MIPOL1: variants seen among roughly 807,000 people sequenced by gnomAD.
The protein encoded by MIPOL1 is mirror-image polydactyly 1.
A neutral mutation model predicts 60.9 loss-of-function variants in MIPOL1; 57 were observed. The observed-to-expected ratio is 0.94, with a 90% CI of 0.76 to 1.17. MIPOL1 has a LOEUF of 1.17. MIPOL1 is among the 50% of genes most tolerant of loss of function. MIPOL1 has a pLI of 0.00. For missense variants in MIPOL1, 551 were observed against 511.6 expected (o/e 1.08, Z -0.74); for synonymous variants, 179 against 168.8 (o/e 1.06, Z -0.47).
intron 6 of MIPOL1, among the ~76,000 whole-genome samples, chr14:37,280,912 G>T (rs1452354401): frequency 1.3e-5 from 2 of 152,000 alleles, no homozygotes; most frequent in East Asian, 3.9e-4. Context: ...TATATTTTTG[G>T]TATTATTCTT....
chr14:37,524,856 C>T (rs2095437539), intron 12 of MIPOL1, among the ~76,000 whole-genome samples: 1 of 152,016 alleles, frequency 6.6e-6, no homozygotes, highest in Non-Finnish European at 1.5e-5. Flanking sequence ...GCATGAACCA[C>T]CGCACCCGGC....
At chr14:37,487,886 G>C (rs2094976346) in intron 11 of MIPOL1, among the ~76,000 whole-genome samples, 1 of 152,098 alleles carries the variant, frequency 6.6e-6, no homozygotes, top group Non-Finnish European at 1.5e-5. Context: ...TTTTGAATTT[G>C]TTTGCTCTTG....
At chr14:37,311,704 A>G (rs1169338530) in intron 9 of MIPOL1, among the ~76,000 whole-genome samples, 3 of 152,204 alleles carry the variant, frequency 2.0e-5, no homozygotes, top group Non-Finnish European at 4.4e-5. Context: ...CAATATAGAC[A>G]GCTCCCATAT....
intron 10 of MIPOL1, among the ~76,000 whole-genome samples, chr14:37,387,478 A>G (rs2093105450): frequency 1.3e-5 from 2 of 151,948 alleles, no homozygotes; most frequent in South Asian, 4.1e-4. Flanking sequence ...TCGTAGGGCT[A>G]TTAAGACTTT....
At chr14:37,341,543 G>A (rs7150214) in intron 9 of MIPOL1, among the ~76,000 whole-genome samples, 147,576 of 152,340 alleles carry the variant, frequency 0.97, 71,558 homozygotes, top group East Asian at 1. Context: ...ATTTCCTTGT[G>A]TCAGACCTAA....
intron 11 of MIPOL1, among the ~76,000 whole-genome samples, chr14:37,425,833 C>A (rs983762498): frequency 6.6e-6 from 1 of 152,104 alleles, no homozygotes; most frequent in African/African-American, 2.4e-5. Context: ...CCAAAGGTAT[C>A]CTTTACATTG....
intron 9 of MIPOL1, among the ~76,000 whole-genome samples, chr14:37,361,956 A>G (rs1235771672): frequency 6.6e-6 from 1 of 151,638 alleles, no homozygotes; most frequent in Non-Finnish European, 1.5e-5. Context: ...TTTGCTTTCC[A>G]TTTGCTTGGT....
intron 12 of MIPOL1, chr14:37,504,777 GA>G (rs1375183189): frequency 4.6e-5 from 7 of 152,032 alleles, no homozygotes; most frequent in African/African-American, 1.7e-4. Flanking sequence ...GAAGAAGATG[GA>G]GACGCAAAAA....
chr14:37,216,300 A>G (rs971051998), intron 1 of MIPOL1, among the ~76,000 whole-genome samples: 2 of 152,194 alleles, frequency 1.3e-5, no homozygotes, highest in African/African-American at 2.4e-5. Flanking sequence ...TATTAGAGAT[A>G]AAGAGAGAGA....
chr14:37,482,112 A>G (rs1357232733), intron 11 of MIPOL1, among the ~76,000 whole-genome samples: 1 of 152,232 alleles, frequency 6.6e-6, no homozygotes, highest in Non-Finnish European at 1.5e-5. Flanking sequence ...CTGTACATCA[A>G]AGAAAACAAT....
chr14:37,268,624 T>A (rs1229956859), intron 4 of MIPOL1, 34 bp from the exon 5 acceptor site: 18 of 1,521,964 alleles, frequency 1.2e-5, no homozygotes, highest in Non-Finnish European at 1.5e-5. Flanking sequence ...TAGTTTATCT[T>A]ACTCTGAAAT....
chr14:37,459,468 A>G (rs2094514693), intron 11 of MIPOL1, among the ~76,000 whole-genome samples: 1 of 152,212 alleles, frequency 6.6e-6, no homozygotes, highest in African/African-American at 2.4e-5. Context: ...TGAACCACGA[A>G]GAAATAGAAA....
At chr14:37,368,487 T>C (rs942962980) in intron 9 of MIPOL1, among the ~76,000 whole-genome samples, 1 of 152,094 alleles carries the variant, frequency 6.6e-6, no homozygotes, top group Non-Finnish European at 1.5e-5. Flanking sequence ...TAAGTAATGA[T>C]TTTTTATTCA....
intron 9 of MIPOL1, among the ~76,000 whole-genome samples, chr14:37,343,257 CCAGAGT>C (rs1370648136): frequency 3.3e-5 from 5 of 151,824 alleles, no homozygotes; most frequent in African/African-American, 1.2e-4. Context: ...TGATATTTTG[CCAGAGT>C]TTGAAGAAAC....
chr14:37,265,394 A>G (rs2082803562), intron 3 of MIPOL1: 1 of 152,176 alleles, frequency 6.6e-6, no homozygotes, highest in African/African-American at 2.4e-5. Context: ...TCACTGTACT[A>G]GAGAGTCTTT....
intron 11 of MIPOL1, among the ~76,000 whole-genome samples, chr14:37,435,311 G>T (rs1207233079): frequency 6.6e-6 from 1 of 152,046 alleles, no homozygotes; most frequent in Admixed American, 6.6e-5. Flanking sequence ...TCTCTGCCTG[G>T]AGTGTTCTAC....
In MIPOL1 at chr14:37,318,403, G is replaced by C. The variant is rs865997384; in HGVS notation, c.828+9884G>C. ...GAGTTATGTTTTTCAGGAAAAGTAG[G>C]GAACATATTTGATATTCTTAATTAC... On this transcript the variant is annotated intron_variant, in intron 9 of 12. Coordinates refer to ENST00000684589, the MANE Select transcript of MIPOL1 (RefSeq NM_001388067.1). 3.9e-5 allele frequency among the ~76,000 whole-genome samples: 6 copies of C among 152,206 alleles called. No individual in the cohort carries two copies. In the South Asian group the frequency reaches 1.2e-3, roughly 32 times the overall value.
chr14:37,490,288 GA>G (rs2095028979), intron 11 of MIPOL1, among the ~76,000 whole-genome samples: 1 of 152,106 alleles, frequency 6.6e-6, no homozygotes, highest in African/African-American at 2.4e-5. Context: ...CGGCAATGGT[GA>G]ACCCCCCTCC....
intron 1 of MIPOL1, among the ~76,000 whole-genome samples, chr14:37,232,960 C>T (rs1312012026): frequency 6.6e-6 from 1 of 152,198 alleles, no homozygotes; most frequent in Admixed American, 6.5e-5. Context: ...GTATATAAGT[C>T]TTCTCCAGTG....
Sources: gnomAD v4.1 joint callset for allele counts (sites outside exome capture counted in the v4.1 genomes callset) on GRCh38, gnomAD v4.1.1 for gene constraint, MANE v1.5 for transcripts, NCBI Gene and HGNC (gene_info 2026-07-23, HGNC 2026-07-21) for gene names.